Variants in ZDHHC14 observed in about 807,000 individuals in gnomAD.
ZDHHC14 encodes the protein palmitoyltransferase ZDHHC14.
Under a neutral mutation model 47.7 loss-of-function variants are expected in ZDHHC14, and 16 were observed. The ratio of observed to expected loss-of-function variants is 0.34; its 90% CI spans 0.23 to 0.51. The LOEUF (loss-of-function observed/expected upper bound fraction) is 0.51. Among genes scored for constraint, ZDHHC14 ranks in the 20% least tolerant of loss-of-function variants. The pLI is 0.97. For synonymous variants in ZDHHC14, 293 were observed against 278.9 expected, an observed-to-expected ratio of 1.05 and a Z score of -0.50; for missense variants, 515 against 662.5, an observed-to-expected ratio of 0.78 and a Z score of 2.44.
At chr6:157,387,690 C>A (rs984119624) in intron 1 of ZDHHC14, among the ~76,000 whole-genome samples, 8 of 152,140 alleles carry the variant, frequency 5.3e-5, no homozygotes, top group African/African-American at 1.9e-4. Flanking sequence ...AAGCACTAAC[C>A]CATTCATTTG....
rs948889785 is a variant in ZDHHC14 at position 157,463,455 on chromosome 6, C to T, written c.246-79130C>T. Among the ~76,000 whole-genome samples, 3 of 152,144 alleles carry T rather than the reference C, an allele frequency of 2.0e-5. No homozygotes were observed. The highest frequency in any genetic ancestry group is 4.8e-5 in the African/African-American group (2 of 41,438). ...CACCCCAAAATGTGTAGCCCTGCCCCTATACATTTGTATATCCATAGCAGT... is the reference window on the plus strand; with the variant it reads ...CACCCCAAAATGTGTAGCCCTGCCCTTATACATTTGTATATCCATAGCAGT... On this transcript the variant is annotated intron_variant, in intron 1 of 8. Coordinates refer to ENST00000359775, the MANE Select transcript of ZDHHC14 (RefSeq NM_024630.3). This position sits in a 1 kb window ranked among gnomAD's most constrained non-coding sequence, Gnocchi z 4.4.
chr6:157,468,646 C>G (rs1779279869), intron 1 of ZDHHC14, among the ~76,000 whole-genome samples: 1 of 152,106 alleles, frequency 6.6e-6, no homozygotes, highest in African/African-American at 2.4e-5. Flanking sequence ...AGAAGGAGGC[C>G]CTGCTCTTTT....
Position 157,400,188 on chromosome 6 carries a change from C to T in ZDHHC14, c.245+17922C>T, listed in dbSNP as rs560415558. ...CGCTTGGGCAGCTCAGTGGAGGTCC[C>T]ACTCACAGACAGTGGGACAGAGGGA... On this transcript the variant is annotated intron_variant, in intron 1 of 8. Transcript: ENST00000359775. 2.0e-5 allele frequency among the ~76,000 whole-genome samples: 3 copies of T among 152,302 alleles called. No homozygotes were observed. The South Asian group carries it at 6.2e-4, about 32-fold the overall frequency.
At chr6:157,457,173 TAA>T (rs5881213) in intron 1 of ZDHHC14, among the ~76,000 whole-genome samples, 256 of 121,262 alleles carry the variant, frequency 2.1e-3, no homozygotes, top group Middle Eastern at 4.0e-3. Context: ...AAACTCCATC[TAA>T]AAAAAAAAAA....
chr6:157,608,771 T>C (rs887760452), intron 3 of ZDHHC14, among the ~76,000 whole-genome samples: 10 of 152,082 alleles, frequency 6.6e-5, no homozygotes, highest in African/African-American at 1.9e-4. Context: ...CTTCAAAAAG[T>C]GTCCTCTGTC....
chr6:157,399,775 C>A (rs1254910252), intron 1 of ZDHHC14, among the ~76,000 whole-genome samples: 1 of 152,252 alleles, frequency 6.6e-6, no homozygotes, highest in Non-Finnish European at 1.5e-5. Flanking sequence ...TTTCCATAGA[C>A]CAGGCTGGCT....
intron 1 of ZDHHC14, among the ~76,000 whole-genome samples, chr6:157,524,354 G>A (rs752589497): frequency 4.0e-5 from 6 of 151,892 alleles, no homozygotes; most frequent in African/African-American, 1.5e-4. Context: ...GGCTGGTCTC[G>A]AACTCCTGAC....
Position 157,445,833 on chromosome 6 carries a change from A to G in ZDHHC14, c.245+63567A>G, listed in dbSNP as rs574238849. 3.3e-5 allele frequency among the ~76,000 whole-genome samples: 5 copies of G among 152,300 alleles called. No individual in the cohort carries two copies. The East Asian group carries it at 7.7e-4, about 23-fold the overall frequency. On this transcript the variant is annotated intron_variant, in intron 1 of 8. Transcript: ENST00000359775. ...TAGGATATAAGCCTAAATGCTATCA[A>G]ATGCCTAGTGTTTAGTAGTTATGAA... is the stretch of plus-strand genomic sequence containing the variant.
intron 1 of ZDHHC14, among the ~76,000 whole-genome samples, chr6:157,429,311 G>A (rs895941015): frequency 5.3e-5 from 8 of 152,168 alleles, no homozygotes; most frequent in East Asian, 1.9e-4. Context: ...AATAGAGTAC[G>A]TCTCCTTTGA....
intron 2 of ZDHHC14, among the ~76,000 whole-genome samples, chr6:157,559,896 C>G (rs911838181): frequency 2.0e-5 from 3 of 152,110 alleles, no homozygotes; most frequent in Non-Finnish European, 4.4e-5. Flanking sequence ...TTGAAATAGG[C>G]CCCCATGGAC....
intron 1 of ZDHHC14, among the ~76,000 whole-genome samples, chr6:157,408,248 G>A (rs940355524): frequency 2.0e-5 from 3 of 151,858 alleles, no homozygotes; most frequent in Admixed American, 2.0e-4. Context: ...AGGCTGGCCT[G>A]GTGGCTTTGT....
chr6:157,445,803 G>A (rs188586670), intron 1 of ZDHHC14, among the ~76,000 whole-genome samples: 114 of 152,328 alleles, frequency 7.5e-4, no homozygotes, highest in African/African-American at 2.7e-3. Flanking sequence ...GAGAGAGAGA[G>A]AGGTTAGGAT....
At chr6:157,496,986 G>C (rs1387909304) in intron 1 of ZDHHC14, among the ~76,000 whole-genome samples, 1 of 152,146 alleles carries the variant, frequency 6.6e-6, no homozygotes, top group Non-Finnish European at 1.5e-5. Flanking sequence ...GTAGAGGTAG[G>C]GTGGTGTAGC....
intron 2 of ZDHHC14, among the ~76,000 whole-genome samples, chr6:157,551,642 C>T (rs921290418): frequency 1.3e-5 from 2 of 152,138 alleles, no homozygotes; most frequent in African/African-American, 4.8e-5. Context: ...GAAGCACAGC[C>T]CTGGGGCCTT....
At chr6:157,455,871 G>A (rs1232570614) in intron 1 of ZDHHC14, among the ~76,000 whole-genome samples, 1 of 152,220 alleles carries the variant, frequency 6.6e-6, no homozygotes, top group African/African-American at 2.4e-5. Context: ...GGCCCATTGT[G>A]TGTCTGAGCG....
chr6:157,578,550 T>C (rs559820603), intron 2 of ZDHHC14, among the ~76,000 whole-genome samples: 1 of 152,352 alleles, frequency 6.6e-6, no homozygotes, highest in African/African-American at 2.4e-5. Flanking sequence ...GGTCTATGTG[T>C]GATATGGTTA....
intron 2 of ZDHHC14, among the ~76,000 whole-genome samples, chr6:157,546,139 G>A (rs1781964308): frequency 6.6e-6 from 1 of 152,228 alleles, no homozygotes; most frequent in Non-Finnish European, 1.5e-5. Flanking sequence ...CCTCCTCCAG[G>A]CTGAGGAAGG....
intron 2 of ZDHHC14, among the ~76,000 whole-genome samples, chr6:157,592,035 T>C (rs1197232848): frequency 6.6e-6 from 1 of 152,040 alleles, no homozygotes; most frequent in Non-Finnish European, 1.5e-5. Context: ...TTGGCAAGGC[T>C]AATAGGGCTC....
At chr6:157,665,940 C>A (rs369276982) in intron 8 of ZDHHC14, among the ~76,000 whole-genome samples, 1 of 152,268 alleles carries the variant, frequency 6.6e-6, no homozygotes, top group African/African-American at 2.4e-5. Flanking sequence ...TTCAAGGACC[C>A]ATACTGGAAG....
Sources: gnomAD v4.1 joint callset for allele counts (sites outside exome capture counted in the v4.1 genomes callset) on GRCh38, gnomAD v4.1.1 for gene constraint, Gnocchi (gnomAD v3.1) non-coding constraint, MANE v1.5 for transcripts, NCBI Gene and HGNC (gene_info 2026-07-23, HGNC 2026-07-21) for gene names.